OPHN1: variants seen among roughly 807,000 people sequenced by gnomAD.
The protein encoded by OPHN1 is oligophrenin-1.
A neutral mutation model predicts 60.7 loss-of-function variants in OPHN1; 11 were observed. The observed-to-expected ratio is 0.18, with a 90% CI of 0.11 to 0.30. The LOEUF (loss-of-function observed/expected upper bound fraction) is 0.30. Among genes scored for constraint, OPHN1 ranks in the 10% least tolerant of loss-of-function variants. The probability of loss-of-function intolerance (pLI) is 1.00; values close to 1 mark genes in which losing one functional copy is unlikely to be tolerated. For missense variants in OPHN1, 449 were observed against 611.0 expected (o/e 0.73, Z 2.80); for synonymous variants, 226 against 222.6 (o/e 1.02, Z -0.14).
intron 15 of OPHN1, among the ~76,000 whole-genome samples, chrX:68,154,861 CCACACACACA>C (rs60627495): frequency 7.4e-5 from 7 of 94,321 alleles, no homozygotes; most frequent in African/African-American, 1.5e-4. Flanking sequence ...ATAGTACACA[CCACACACACA>C]CACACACACA....
At position 68,063,900 on chromosome X, in the gene OPHN1, G is replaced by C. The variant is rs1384454480; in HGVS notation, c.2112C>G (p.Phe704Leu). 1 of 1,184,697 alleles carries C rather than the reference G, an allele frequency of 8.4e-7. No homozygotes were observed. The highest frequency in any genetic ancestry group is 3.0e-5 in the East Asian group (1 of 33,121). Residue 704 changes from phenylalanine (F) to leucine (L), a missense_variant, in exon 21 of 25, where the codon TTC (phenylalanine) becomes TTG (leucine). By Grantham distance (22) the Phe-to-Leu change is conservative (BLOSUM62 0). Around this residue, in one of 4 missense-constraint regions of OPHN1, gnomAD observed 184 missense variants for 160.5 expected, o/e 1.15. Transcript: ENST00000355520. The stretch of plus-strand genomic sequence containing the variant: ...GCCGGGGAGCTGGTCTCTTTATGTG[G>C]AAAGAGGGGGTCTTGGTGGGCCCAG... ...PGSGPTKTPS[F>L]HIKRPAPRPL...
intron 5 of OPHN1, among the ~76,000 whole-genome samples, chrX:68,260,945 G>A (rs139392879): frequency 3.0e-4 from 34 of 111,644 alleles, no homozygotes; most frequent in Non-Finnish European, 6.4e-4. Flanking sequence ...TCTTTGATAC[G>A]TTTTCAGTCT....
intron 15 of OPHN1, among the ~76,000 whole-genome samples, chrX:68,172,611 T>TA (rs1004991294): frequency 2.7e-4 from 30 of 109,892 alleles, no homozygotes; most frequent in Non-Finnish European, 3.6e-4. Context: ...TTATAATAGG[T>TA]AAAAAAAAAT....
chrX:68,200,068 G>A (rs757680765), intron 11 of OPHN1, among the ~76,000 whole-genome samples: 6 of 111,851 alleles, frequency 5.4e-5, no homozygotes, highest in Non-Finnish European at 9.4e-5. Flanking sequence ...AAAGAAACCA[G>A]CATGGGCTTT....
chrX:68,070,838 C>G, intron 20 of OPHN1: 1 of 1,172,725 alleles, frequency 8.5e-7, no homozygotes, highest in Non-Finnish European at 1.2e-6. Flanking sequence ...CAGTCCAAGC[C>G]CATTCAGCCA....
chrX:68,243,472 C>T (rs1446088204), intron 5 of OPHN1, among the ~76,000 whole-genome samples: 1 of 111,701 alleles, frequency 9.0e-6, no homozygotes, highest in Non-Finnish European at 1.9e-5. Context: ...ACTGCAACCT[C>T]CACCTCCCAG....
intron 5 of OPHN1, among the ~76,000 whole-genome samples, chrX:68,265,707 G>A (rs1331925772): frequency 2.7e-5 from 3 of 111,654 alleles, no homozygotes; most frequent in African/African-American, 9.8e-5. Context: ...AGAGAAGAAG[G>A]CTTCAGATGA....
intron 11 of OPHN1, among the ~76,000 whole-genome samples, 176 bp downstream of exon 11, chrX:68,201,443 A>C (rs2077534774): frequency 8.9e-6 from 1 of 111,809 alleles, no homozygotes; most frequent in Non-Finnish European, 1.9e-5. Flanking sequence ...GGCCAGGTCT[A>C]GCAGGGATCC....
At chrX:68,071,106 C>T in intron 20 of OPHN1, 1 of 1,038,151 alleles carries the variant, frequency 9.6e-7, no homozygotes, top group Admixed American at 2.2e-5. Context: ...TATTATTGAT[C>T]AGGTGGATCT....
chrX:68,313,415 A>T (rs2147648224), intron 2 of OPHN1, among the ~76,000 whole-genome samples: 1 of 112,354 alleles, frequency 8.9e-6, no homozygotes, highest in African/African-American at 3.2e-5. Context: ...AGATGAATGG[A>T]TAAAGAAAAA....
intron 15 of OPHN1, among the ~76,000 whole-genome samples, chrX:68,161,129 T>G (rs1322603153): frequency 9.1e-6 from 1 of 110,497 alleles, no homozygotes; most frequent in Non-Finnish European, 1.9e-5. Context: ...CTCAATTAGA[T>G]AACCTAGATA....
intron 15 of OPHN1, among the ~76,000 whole-genome samples, chrX:68,192,472 CAA>C (rs11288704): frequency 1.0e-4 from 9 of 89,708 alleles, no homozygotes; most frequent in Admixed American, 1.3e-4. Flanking sequence ...GACCCTGTCT[CAA>C]AAAAAAAAAA....
At chrX:68,074,022 A>G (rs1201476484) in intron 19 of OPHN1, among the ~76,000 whole-genome samples, 1 of 112,664 alleles carries the variant, frequency 8.9e-6, no homozygotes. Flanking sequence ...ATTTTTATAT[A>G]ATGTCTCATG....
intron 2 of OPHN1, among the ~76,000 whole-genome samples, chrX:68,385,533 ACAGT>A (rs1305794020): frequency 8.9e-6 from 1 of 112,394 alleles, no homozygotes; most frequent in Non-Finnish European, 1.9e-5. Context: ...GAGTGATGAA[ACAGT>A]CAGTCATGTT....
intron 15 of OPHN1, among the ~76,000 whole-genome samples, chrX:68,180,057 C>T (rs2077430116): frequency 9.0e-6 from 1 of 111,574 alleles, no homozygotes; most frequent in African/African-American, 3.3e-5. Context: ...CATCCTGCTC[C>T]TTGGATATAA....
Position 68,129,008 on chromosome X carries a change from AT to A in OPHN1, c.1277-9677del, listed in dbSNP as rs1453272091. Among the ~76,000 whole-genome samples, 5 of 112,532 alleles carry A rather than the reference AT, an allele frequency of 4.4e-5. No individual in the cohort carries two copies. The East Asian group carries it at 1.1e-3, about 25-fold the overall frequency. ...GGACAATTAACTATTTGGGAAAAAA[AT>A]AAGTTAGATCTCTATTTCACAACCA... is the stretch of plus-strand genomic sequence containing the variant. On this transcript the variant is annotated intron_variant, in intron 15 of 24. Transcript: ENST00000355520.
In OPHN1 at chrX:68,356,048, C is replaced by CA. The variant is rs530885182; in HGVS notation, c.155-56953dup. ...CTGGGTGACAGAGCAAGACTTCTTC[C>CA]AAAAAAAAAAAAAATCGCCAAATGT... On this transcript the variant is annotated intron_variant, in intron 2 of 24. Coordinates refer to ENST00000355520, the MANE Select transcript of OPHN1 (RefSeq NM_002547.3). Among the ~76,000 whole-genome samples, 164 of 90,667 alleles carry CA rather than the reference C, an allele frequency of 1.8e-3. 1 individual carries two copies. The highest frequency in any genetic ancestry group is 3.9e-3 in the South Asian group (8 of 2,035). 78.7% of individuals were successfully genotyped at this position (90,667 alleles called of 115,157 possible). A position where few individuals can be genotyped will look rare whatever the true frequency, so the allele number is the denominator to read the frequency against.
intron 4 of OPHN1, among the ~76,000 whole-genome samples, chrX:68,278,322 C>T (rs1156693192): frequency 1.8e-5 from 2 of 112,155 alleles, no homozygotes; most frequent in South Asian, 3.7e-4. Flanking sequence ...AGCAATGACT[C>T]CCCTTTGAAG....
chrX:68,093,103 A>G (rs904978514), intron 19 of OPHN1, among the ~76,000 whole-genome samples: 4 of 111,174 alleles, frequency 3.6e-5, no homozygotes, highest in African/African-American at 1.3e-4. Context: ...ACCCTTCAGC[A>G]ACTCTTGCCT....
Sources: gnomAD v4.1 joint callset for allele counts (sites outside exome capture counted in the v4.1 genomes callset) on GRCh38, gnomAD v4.1.1 for gene constraint, gnomAD v4.1.1 regional missense constraint, MANE v1.5 for transcripts, NCBI Gene and HGNC (gene_info 2026-07-23, HGNC 2026-07-21) for gene names.